RUNX1T1: variants seen among roughly 807,000 people sequenced by gnomAD.
RUNX1T1 encodes the protein protein CBFA2T1.
A neutral mutation model predicts 62.8 loss-of-function variants in RUNX1T1; 4 were observed. That is an observed-to-expected ratio of 0.06 (90% CI 0.03 to 0.15). The LOEUF (loss-of-function observed/expected upper bound fraction) is 0.15, where lower values mean the gene tolerates loss of function less well. Among genes scored for constraint, RUNX1T1 ranks in the 10% least tolerant of loss-of-function variants. RUNX1T1 has a pLI of 1.00. For missense variants in RUNX1T1, 508 were observed against 754.3 expected, an observed-to-expected ratio of 0.67 and a Z score of 3.82; for synonymous variants, 291 against 286.0, an observed-to-expected ratio of 1.02 and a Z score of -0.18.
chr8:92,032,118 A>G (rs1303899809), intron 1 of RUNX1T1, among the ~76,000 whole-genome samples: 3 of 147,616 alleles, frequency 2.0e-5, no homozygotes, highest in Non-Finnish European at 4.5e-5. Flanking sequence ...AAAAAAAAAA[A>G]GCATGACAAA....
intron 1 of RUNX1T1, among the ~76,000 whole-genome samples, chr8:92,026,164 A>ACATTT (rs1825109285): frequency 6.6e-6 from 1 of 152,204 alleles, no homozygotes; most frequent in Non-Finnish European, 1.5e-5. Flanking sequence ...TCTCTGTTCT[A>ACATTT]TAATGGGCAT....
intron 10 of RUNX1T1, among the ~76,000 whole-genome samples, chr8:91,968,079 T>C (rs1812012081): frequency 6.6e-6 from 1 of 152,136 alleles, no homozygotes; most frequent in Admixed American, 6.5e-5. Context: ...AGGAATAAAA[T>C]GAATTGCCGA....
intron 1 of RUNX1T1, among the ~76,000 whole-genome samples, chr8:92,046,109 G>GT (rs1829355667): frequency 6.6e-6 from 1 of 152,084 alleles, no homozygotes; most frequent in South Asian, 2.1e-4. Flanking sequence ...GCCGACTCAT[G>GT]TATCATTTCA....
chr8:92,012,722 T>C (rs997737738), intron 3 of RUNX1T1, among the ~76,000 whole-genome samples: 1 of 150,936 alleles, frequency 6.6e-6, no homozygotes, highest in Non-Finnish European at 1.5e-5. Flanking sequence ...AGTTTGCCCA[T>C]GTGTCAAATG....
At chr8:92,098,014 T>C (rs1248675731) in intron 1 of RUNX1T1, among the ~76,000 whole-genome samples, 1 of 152,232 alleles carries the variant, frequency 6.6e-6, no homozygotes, top group Non-Finnish European at 1.5e-5. Context: ...TTTCAACTAG[T>C]TCTTTTCTTA....
intron 8 of RUNX1T1, among the ~76,000 whole-genome samples, chr8:91,980,336 T>C (rs1024984925): frequency 1.3e-5 from 2 of 152,184 alleles, no homozygotes; most frequent in Non-Finnish European, 2.9e-5. Context: ...ACTCCAAACA[T>C]TTACATGCAA....
chr8:91,986,561 G>A (rs2130827680), intron 7 of RUNX1T1, among the ~76,000 whole-genome samples: 1 of 152,230 alleles, frequency 6.6e-6, no homozygotes, highest in African/African-American at 2.4e-5. Context: ...TTCACCTGAA[G>A]GCATTATAGC....
intron 1 of RUNX1T1, among the ~76,000 whole-genome samples, chr8:92,055,839 T>C (rs200722858): frequency 6.6e-6 from 1 of 152,204 alleles, no homozygotes; most frequent in East Asian, 1.9e-4. Context: ...CTGTAGGCTA[T>C]ACAAATATAA....
chr8:91,976,022 G>A, intron 8 of RUNX1T1, 49 bp from the exon 10 acceptor site: 1 of 1,293,464 alleles, frequency 7.7e-7, no homozygotes, highest in Non-Finnish European at 1.1e-6. Flanking sequence ...AGTACTGTAA[G>A]CACACTTGTG....
chr8:92,039,039 C>T (rs1827934990), intron 1 of RUNX1T1, among the ~76,000 whole-genome samples: 1 of 152,136 alleles, frequency 6.6e-6, no homozygotes, highest in African/African-American at 2.4e-5. Flanking sequence ...ACCTCAGGGG[C>T]TCCATCCACT....
At chr8:92,034,723 T>C (rs796987513) in intron 1 of RUNX1T1, among the ~76,000 whole-genome samples, 2 of 150,746 alleles carry the variant, frequency 1.3e-5, no homozygotes, top group South Asian at 2.1e-4. Context: ...CACATATATA[T>C]ACACACGTAT....
chr8:92,011,877 T>C lies in RUNX1T1; in HGVS notation c.388-786A>G, dbSNP rs957575664. On this transcript the variant is annotated intron_variant, in intron 3 of 10. Coordinates refer to ENST00000396218, the Ensembl canonical transcript of RUNX1T1. The stretch of plus-strand genomic sequence containing the variant: ...ATGTGTGTTGGTAAAAGCATCTACT[T>C]AATGAACAACAAAGCAATTATAAAG... 9.8e-5 allele frequency among the ~76,000 whole-genome samples: 15 copies of C among 152,320 alleles called. 1 individual carries two copies. The highest frequency in any genetic ancestry group is 9.8e-4 in the Admixed American group (15 of 15,304).
chr8:91,978,086 A>AT (rs113924964), intron 8 of RUNX1T1, among the ~76,000 whole-genome samples: 1,889 of 150,298 alleles, frequency 0.013, 30 homozygotes, highest in African/African-American at 0.042. Flanking sequence ...GCCTATAAAC[A>AT]TTTTTTTTTT....
intron 5 of RUNX1T1, among the ~76,000 whole-genome samples, chr8:91,999,664 T>G (rs1398820905): frequency 6.6e-6 from 1 of 152,040 alleles, no homozygotes; most frequent in African/African-American, 2.4e-5. Context: ...CATAGGATAG[T>G]GAGGAAAGAA....
At chr8:92,101,251 G>C (rs1838020905), upstream of RUNX1T1, among the ~76,000 whole-genome samples, 1 of 152,218 alleles carries the variant, frequency 6.6e-6, no homozygotes. Context: ...TTTATCAGGA[G>C]ATAAATCAAT....
At chr8:91,993,849 G>A (rs982398951) in intron 5 of RUNX1T1, among the ~76,000 whole-genome samples, 10 of 152,020 alleles carry the variant, frequency 6.6e-5, no homozygotes, top group African/African-American at 1.9e-4. Flanking sequence ...AAAAGTAGCC[G>A]GGTGTAGTGG....
At chr8:92,099,646 T>G in exon 1 of RUNX1T1, 3 of 985,396 alleles carry the variant, frequency 3.0e-6, no homozygotes, top group Non-Finnish European at 3.6e-6. Flanking sequence ...CAGGTGCCAA[T>G]TTTTCAGACT....
At chr8:92,039,011 C>T (rs1439049212) in intron 1 of RUNX1T1, among the ~76,000 whole-genome samples, 2 of 152,174 alleles carry the variant, frequency 1.3e-5, no homozygotes, top group Non-Finnish European at 2.9e-5. Flanking sequence ...CTCCCACTGC[C>T]TGGCTTCTTA....
chr8:91,987,098 C>T, intron 6 of RUNX1T1, 126 bp from the exon 8 acceptor site: 2 of 695,434 alleles, frequency 2.9e-6, no homozygotes, highest in Non-Finnish European at 2.6e-6. Context: ...TGGATGGAGA[C>T]ATGAGTCATA....
Sources: allele counts gnomAD v4.1 joint callset (sites outside exome capture counted in the v4.1 genomes callset), GRCh38; gene constraint gnomAD v4.1.1; transcripts MANE v1.5; gene names NCBI Gene and HGNC (gene_info 2026-07-23, HGNC 2026-07-21).